The following SCMH1 variants were observed in gnomAD, a reference collection of about 807,000 sequenced individuals.
SCMH1 encodes the protein Scm polycomb group protein homolog 1.
SCMH1 carries 37 observed loss-of-function variants against 70.8 expected under a neutral mutation model. That is an observed-to-expected ratio of 0.52 (90% CI 0.40 to 0.69). SCMH1 has a LOEUF of 0.69. Among genes scored for constraint, SCMH1 ranks in the 30% least tolerant of loss-of-function variants. The probability of loss-of-function intolerance (pLI) is 0.00; values close to 1 mark genes in which losing one functional copy is unlikely to be tolerated. For synonymous variants in SCMH1, 292 were observed against 307.4 expected (o/e 0.95, Z 0.52); for missense variants, 607 against 827.3 (o/e 0.73, Z 3.27).
chr1:41,125,125 T>C (rs909072849), intron 6 of SCMH1, among the ~76,000 whole-genome samples: 1 of 152,156 alleles, frequency 6.6e-6, no homozygotes, highest in African/African-American at 2.4e-5. Flanking sequence ...TTCCTCAGTA[T>C]GTTTTTTTAC....
exon 4 of SCMH1, chr1:41,160,880 T>C: frequency 6.5e-7 from 1 of 1,550,254 alleles, no homozygotes; most frequent in Admixed American, 2.0e-5. Flanking sequence ...CTTACCTAGA[T>C]CCAGGATGTC....
chr1:41,075,375 A>G (rs1167464938), exon 9 of SCMH1: 1 of 1,613,978 alleles, frequency 6.2e-7, no homozygotes, highest in Admixed American at 1.7e-5. Flanking sequence ...GTTCCAAGAC[A>G]GTTTTGGTGC....
intron 10 of SCMH1, among the ~76,000 whole-genome samples, chr1:41,066,683 A>G (rs1234315969): frequency 1.3e-5 from 2 of 152,068 alleles, no homozygotes; most frequent in Non-Finnish European, 2.9e-5. Context: ...CCTGGAATCA[A>G]GTGATCCTCC....
chr1:41,036,816 C>T (rs569074344), intron 13 of SCMH1, among the ~76,000 whole-genome samples: 97 of 152,122 alleles, frequency 6.4e-4, no homozygotes, highest in Non-Finnish European at 4.6e-4. Flanking sequence ...TGCCCCTCTT[C>T]CTGGAAAGCT....
chr1:41,202,889 GTATTTATTAAATAAAATGCAT>G (rs1404353486), intron 1 of SCMH1, among the ~76,000 whole-genome samples: 1 of 151,958 alleles, frequency 6.6e-6, no homozygotes, highest in African/African-American at 2.4e-5. Context: ...ATAATGTTCA[GTATTTATTAAATAAAATGCAT>G]TATTAAAATT....
chr1:41,164,151 T>G (rs537162095), intron 2 of SCMH1, among the ~76,000 whole-genome samples: 43 of 152,272 alleles, frequency 2.8e-4, no homozygotes, highest in Non-Finnish European at 6.2e-4. Flanking sequence ...ATCTCTTTTT[T>G]GTCAAACGTA....
At chr1:41,075,286 G>C in exon 9 of SCMH1, 1 of 1,614,198 alleles carries the variant, frequency 6.2e-7, no homozygotes, top group South Asian at 1.1e-5. Flanking sequence ...GGATGGGGCA[G>C]AGATGGGATG....
At position 41,160,866 on chromosome 1, in the gene SCMH1, A is replaced by T; in HGVS notation, c.106+9T>A. ...CTTATTTAACAGAAACACAAGAAAA[A>T]TAGCTTACCTAGATCCAGGATGTCA... On this transcript the variant is annotated intron_variant, in intron 4 of 14. Transcript: ENST00000337495. 6.5e-7 allele frequency: 1 copy of T among 1,550,058 alleles called. No homozygotes were observed. Among genetic ancestry groups the T allele is most frequent in the South Asian group, 1.2e-5 (1 of 84,042 alleles).
At chr1:41,192,518 A>ACACACACACACACT (rs1353888108) in intron 1 of SCMH1, among the ~76,000 whole-genome samples, 3 of 151,926 alleles carry the variant, frequency 2.0e-5, no homozygotes, top group African/African-American at 7.3e-5. Context: ...ACACACACAC[A>ACACACACACACACT]CACACACCAC....
At chr1:41,085,838 CTTTTTTT>C in intron 8 of SCMH1, among the ~76,000 whole-genome samples, 1 of 85,610 alleles carries the variant, frequency 1.2e-5, no homozygotes, top group Non-Finnish European at 2.2e-5. Context: ...ATTTCACCTG[CTTTTTTT>C]TTTTTTTTTT....
At chr1:41,149,632 T>A (rs1644885296) in intron 5 of SCMH1, among the ~76,000 whole-genome samples, 2 of 152,162 alleles carry the variant, frequency 1.3e-5, no homozygotes, top group South Asian at 4.1e-4. Flanking sequence ...TGCAGTTAAG[T>A]TATTTGTGAA....
At chr1:41,209,070 T>C (rs1352260032) in intron 1 of SCMH1, among the ~76,000 whole-genome samples, 1 of 152,004 alleles carries the variant, frequency 6.6e-6, no homozygotes, top group Non-Finnish European at 1.5e-5. Flanking sequence ...CCCACAGAAA[T>C]ACAAACTACC....
intron 4 of SCMH1, among the ~76,000 whole-genome samples, chr1:41,156,471 G>T (rs1317321908): frequency 6.6e-6 from 1 of 151,974 alleles, no homozygotes; most frequent in East Asian, 1.9e-4. Context: ...GTCTTGCTTT[G>T]AGTCAGTGTC....
intron 4 of SCMH1, chr1:41,152,549 G>T: frequency 6.3e-7 from 1 of 1,586,298 alleles, no homozygotes; most frequent in Non-Finnish European, 8.6e-7. Flanking sequence ...AGATTATCAA[G>T]TTCTTTATTT....
chr1:41,120,036 T>C (rs192497581), intron 6 of SCMH1, among the ~76,000 whole-genome samples: 1 of 152,302 alleles, frequency 6.6e-6, no homozygotes, highest in East Asian at 1.9e-4. Flanking sequence ...CATGAGTGGT[T>C]TGGTACACCT....
chr1:41,192,719 T>C (rs1015477279), intron 1 of SCMH1, among the ~76,000 whole-genome samples: 1 of 152,236 alleles, frequency 6.6e-6, no homozygotes, highest in Non-Finnish European at 1.5e-5. Flanking sequence ...TCTTGACATT[T>C]AATCTCTTCA....
intron 14 of SCMH1, 42 bp downstream of exon 15, chr1:41,028,542 T>C: frequency 3.7e-6 from 6 of 1,611,928 alleles, no homozygotes; most frequent in Non-Finnish European, 5.1e-6. Context: ...GGTGAGGCTC[T>C]CCACACAGGT....
At chr1:41,212,613 TA>T (rs1203579736) in intron 1 of SCMH1, among the ~76,000 whole-genome samples, 1 of 152,178 alleles carries the variant, frequency 6.6e-6, no homozygotes, top group Non-Finnish European at 1.5e-5. Context: ...AGACTGTATT[TA>T]ATCCTTAGCC....
intron 9 of SCMH1, among the ~76,000 whole-genome samples, chr1:41,073,659 C>CATCT (rs1186601718): frequency 6.7e-6 from 1 of 149,498 alleles, no homozygotes; most frequent in Non-Finnish European, 1.5e-5. Context: ...TCCATCCATC[C>CATCT]TTCCATCCAT....
Sources: allele counts gnomAD v4.1 joint callset (sites outside exome capture counted in the v4.1 genomes callset), GRCh38; gene constraint gnomAD v4.1.1; transcripts MANE v1.5; gene names NCBI Gene and HGNC (gene_info 2026-07-23, HGNC 2026-07-21).